The following DPP10 variants were observed in gnomAD, a reference collection of about 807,000 sequenced individuals.
DPP10 encodes the protein inactive dipeptidyl peptidase 10.
DPP10 carries 33 observed loss-of-function variants against 120.9 expected under a neutral mutation model. The ratio of observed to expected loss-of-function variants is 0.27; its 90% confidence interval spans 0.21 to 0.37. The LOEUF (loss-of-function observed/expected upper bound fraction) is 0.37. Ranked by LOEUF, DPP10 falls within the 10% of genes least tolerant of loss-of-function variation. DPP10 has a pLI of 1.00. For missense variants in DPP10, 816 were observed against 942.8 expected (o/e 0.87, Z 1.76); for synonymous variants, 337 against 326.1 (o/e 1.03, Z -0.36).
intron 1 of DPP10, among the ~76,000 whole-genome samples, chr2:115,209,948 G>A (rs2105344865): frequency 6.6e-6 from 1 of 152,260 alleles, no homozygotes; most frequent in East Asian, 1.9e-4. Flanking sequence ...AGCACTTTGA[G>A]GTGGAGGATT....
chr2:115,699,027 AAAAAAAAAC>A (rs373708996), intron 7 of DPP10, among the ~76,000 whole-genome samples: 6,504 of 70,900 alleles, frequency 0.092, 270 homozygotes, highest in Non-Finnish European at 0.13. Flanking sequence ...TGACTGAAAA[AAAAAAAAAC>A]AAAAAAAAAA....
chr2:115,309,160 A>G lies in DPP10; in HGVS notation c.61-79A>G, dbSNP rs920580123. ...TCAGCTTTCAAACTGTGATTGTGCCATGCACTGAATCATTCCTTTATGAAT... is the reference window on the plus strand; with the variant it reads ...TCAGCTTTCAAACTGTGATTGTGCCGTGCACTGAATCATTCCTTTATGAAT... On this transcript the variant is annotated intron_variant, in intron 1 of 25. Transcript: ENST00000410059. 5.6e-6 allele frequency: 6 copies of G among 1,062,496 alleles called. No homozygotes were observed. In the African/African-American group the frequency reaches 8.0e-5, roughly 14 times the overall value. The allele number at this position is 1,062,496 out of a possible 1,614,324, so 65.8% of individuals were successfully genotyped here. A position where few individuals can be genotyped will look rare whatever the true frequency, so the allele number is the denominator to read the frequency against.
chr2:115,538,974 T>TA, intron 5 of DPP10, among the ~76,000 whole-genome samples: 1 of 152,010 alleles, frequency 6.6e-6, no homozygotes, highest in Non-Finnish European at 1.5e-5. Context: ...ATATTAGTAA[T>TA]TGATTTAACC....
At chr2:115,823,196 T>A (rs1327659295) in intron 21 of DPP10, among the ~76,000 whole-genome samples, 1 of 152,104 alleles carries the variant, frequency 6.6e-6, no homozygotes, top group African/African-American at 2.4e-5. Context: ...ATTTTATCTA[T>A]GGGGATTCTT....
At chr2:115,469,265 A>G (rs1306907713) in intron 3 of DPP10, among the ~76,000 whole-genome samples, 1 of 152,234 alleles carries the variant, frequency 6.6e-6, no homozygotes, top group African/African-American at 2.4e-5. Context: ...GCATGAAGAA[A>G]GACCAAAGAA....
At chr2:114,478,406 A>G (rs1255266031) in intron 1 of DPP10, among the ~76,000 whole-genome samples, 1 of 152,120 alleles carries the variant, frequency 6.6e-6, no homozygotes, top group African/African-American at 2.4e-5. Context: ...AAGAATAGAG[A>G]GAAATTTCCT....
Position 115,742,488 on chromosome 2 carries a change from T to G in DPP10, c.852+2595T>G, listed in dbSNP as rs143720906. ...AGAAGTAAAAAACATATGCCTCTAA[T>G]AGGCAAAGCCAAAAGAAAGAATTTC... On this transcript the variant is annotated intron_variant, in intron 9 of 25. Coordinates refer to ENST00000410059, the MANE Select transcript of DPP10 (RefSeq NM_020868.6). Among the ~76,000 whole-genome samples the G allele has an allele frequency of 8.5e-5, 13 of 152,242 alleles. No homozygotes were observed. In the East Asian group the frequency reaches 2.5e-3, roughly 29 times the overall value.
chr2:115,266,219 A>T (rs552417055), intron 1 of DPP10, among the ~76,000 whole-genome samples: 1 of 152,214 alleles, frequency 6.6e-6, no homozygotes, highest in African/African-American at 2.4e-5. Context: ...TTGATTATGT[A>T]TTATATCTGA....
At chr2:115,095,863 T>C (rs574369138) in intron 1 of DPP10, among the ~76,000 whole-genome samples, 1 of 152,232 alleles carries the variant, frequency 6.6e-6, no homozygotes, top group South Asian at 2.1e-4. Flanking sequence ...TTATATGTAG[T>C]AGTATTAAGT....
rs561412718 is a variant in DPP10 at position 115,117,761 on chromosome 2, G to A, written c.61-191478G>A. Among the ~76,000 whole-genome samples, 74 of 152,178 alleles carry A rather than the reference G, an allele frequency of 4.9e-4. 1 individual carries two copies. Among genetic ancestry groups the A allele is most frequent in the African/African-American group, 1.1e-3 (47 of 41,514 alleles). On this transcript the variant is annotated intron_variant, in intron 1 of 25. Transcript: ENST00000410059. ...GCCTTATCTTCTTGAAAATAATTACGAAGCTATAAAAAGAAACAGATACAA... is the reference window on the plus strand; with the variant it reads ...GCCTTATCTTCTTGAAAATAATTACAAAGCTATAAAAAGAAACAGATACAA...
At chr2:115,052,103 T>G (rs1371316359) in intron 1 of DPP10, among the ~76,000 whole-genome samples, 1 of 152,136 alleles carries the variant, frequency 6.6e-6, no homozygotes, top group Non-Finnish European at 1.5e-5. Context: ...CAACAAACAG[T>G]GCTGAGACAA....
rs140482941 is a variant in DPP10, at chr2:115,732,789, G to A, written c.697+4853G>A. Among the ~76,000 whole-genome samples, 996 of 152,132 alleles carry A rather than the reference G, an allele frequency of 6.5e-3. 3 individuals are homozygous for A. The highest frequency in any genetic ancestry group is 0.011 in the Non-Finnish European group (728 of 67,992). ...TTAAGTGATTTACAGATATATTTTA[G>A]AACCTTGTATATTTAAGGGATTATT... On this transcript the variant is annotated intron_variant, in intron 8 of 25. Coordinates refer to ENST00000410059, the MANE Select transcript of DPP10 (RefSeq NM_020868.6).
chr2:115,563,246 C>T (rs2080800633), intron 5 of DPP10, among the ~76,000 whole-genome samples: 1 of 152,060 alleles, frequency 6.6e-6, no homozygotes, highest in Non-Finnish European at 1.5e-5. Context: ...TCATGGTAGT[C>T]GTCCTCAATA....
intron 1 of DPP10, among the ~76,000 whole-genome samples, chr2:115,054,698 G>A (rs1044808586): frequency 6.6e-6 from 1 of 152,082 alleles, no homozygotes; most frequent in African/African-American, 2.4e-5. Context: ...GGATCATGAG[G>A]TCAGGAGTTC....
chr2:115,462,856 A>C (rs2074076340), intron 3 of DPP10, among the ~76,000 whole-genome samples: 1 of 152,148 alleles, frequency 6.6e-6, no homozygotes, highest in African/African-American at 2.4e-5. Flanking sequence ...CAGCCTCCCC[A>C]GTAGCTGTGA....
At chr2:114,877,975 A>C (rs1406981996) in intron 1 of DPP10, among the ~76,000 whole-genome samples, 1 of 152,066 alleles carries the variant, frequency 6.6e-6, no homozygotes, top group Non-Finnish European at 1.5e-5. Context: ...GATCTGGAGA[A>C]AGAAGGCTGC....
intron 1 of DPP10, among the ~76,000 whole-genome samples, chr2:114,602,505 G>A (rs1303816623): frequency 6.6e-6 from 1 of 151,914 alleles, no homozygotes; most frequent in Non-Finnish European, 1.5e-5. Flanking sequence ...TGTAGTCTGA[G>A]TCTGGGCCAG....
intron 5 of DPP10, among the ~76,000 whole-genome samples, chr2:115,571,301 T>C (rs1030717286): frequency 1.3e-5 from 2 of 152,144 alleles, no homozygotes; most frequent in Admixed American, 1.3e-4. Flanking sequence ...TGCATGATGC[T>C]GAGGTTTGGG....
intron 1 of DPP10, among the ~76,000 whole-genome samples, chr2:115,230,580 C>G (rs955259533): frequency 6.6e-6 from 1 of 151,894 alleles, no homozygotes. Flanking sequence ...TGTAGACTTT[C>G]TAATTGAAGA....
Sources: allele counts gnomAD v4.1 joint callset (sites outside exome capture counted in the v4.1 genomes callset), GRCh38; gene constraint gnomAD v4.1.1; transcripts MANE v1.5; gene names NCBI Gene and HGNC (gene_info 2026-07-23, HGNC 2026-07-21).